TTC28: variants seen among roughly 807,000 people sequenced by gnomAD.
TTC28 encodes tetratricopeptide repeat protein 28.
Under a neutral mutation model 198.0 loss-of-function variants are expected in TTC28, and 61 were observed. That is an observed-to-expected ratio of 0.31 (90% CI 0.25 to 0.38). TTC28 has a LOEUF of 0.38. TTC28 is among the 10% of genes least tolerant of loss of function. TTC28 has a pLI of 1.00. For synonymous variants in TTC28, 1,171 were observed against 1,297.8 expected (o/e 0.90, Z 2.10); for missense variants, 2,678 against 3,164.0 (o/e 0.85, Z 3.69).
intron 2 of TTC28, among the ~76,000 whole-genome samples, chr22:28,381,749 TA>T (rs1181064943): frequency 6.6e-6 from 1 of 152,156 alleles, no homozygotes; most frequent in East Asian, 1.9e-4. Flanking sequence ...CACAGTTTGG[TA>T]ACCAGATGTT....
chr22:28,094,030 ATACC>A, intron 12 of TTC28, 46 bp downstream of exon 12: 1 of 1,471,224 alleles, frequency 6.8e-7, no homozygotes, highest in Non-Finnish European at 9.0e-7. Context: ...ACAAAAAATA[ATACC>A]CTGAGATTTA....
At chr22:28,494,890 G>T (rs1330956168) in intron 2 of TTC28, among the ~76,000 whole-genome samples, 1 of 151,788 alleles carries the variant, frequency 6.6e-6, no homozygotes, top group East Asian at 1.9e-4. Flanking sequence ...AGAGGGATGA[G>T]AAAATATTGC....
At chr22:28,578,687 T>C (rs1850508338) in intron 2 of TTC28, among the ~76,000 whole-genome samples, 1 of 152,146 alleles carries the variant, frequency 6.6e-6, no homozygotes, top group Admixed American at 6.6e-5. Flanking sequence ...TACACCACCC[T>C]TCCCTTATCC....
At chr22:28,035,618 C>A (rs546846537) in intron 12 of TTC28, among the ~76,000 whole-genome samples, 1 of 152,246 alleles carries the variant, frequency 6.6e-6, no homozygotes, top group East Asian at 1.9e-4. Context: ...GCCGGTCTGC[C>A]AATACCTGAA....
intron 2 of TTC28, among the ~76,000 whole-genome samples, chr22:28,400,475 G>T (rs1410305654): frequency 1.3e-5 from 2 of 152,190 alleles, no homozygotes; most frequent in Admixed American, 1.3e-4. Flanking sequence ...TGAGAAAGAA[G>T]ATGGGGTATT....
intron 1 of TTC28, among the ~76,000 whole-genome samples, chr22:28,640,595 CAG>C (rs2051349618): frequency 9.5e-6 from 1 of 105,076 alleles, no homozygotes; most frequent in Non-Finnish European, 2.2e-5. Flanking sequence ...TAATAATAAA[CAG>C]AGAAAATGTT....
chr22:28,199,056 T>A (rs967702366), intron 5 of TTC28, among the ~76,000 whole-genome samples: 7 of 152,102 alleles, frequency 4.6e-5, no homozygotes, highest in African/African-American at 1.4e-4. Flanking sequence ...TACAACTGTA[T>A]GTGCAATGCA....
chr22:27,999,326 C>A (rs78439401), intron 15 of TTC28, 66 bp from the exon 16 acceptor site: 3 of 1,481,446 alleles, frequency 2.0e-6, no homozygotes, highest in South Asian at 2.8e-5. Context: ...CGGCAGTGGT[C>A]GGCCGAGCAC....
chr22:28,117,858 CA>C (rs1335032875), intron 6 of TTC28, among the ~76,000 whole-genome samples: 1 of 152,028 alleles, frequency 6.6e-6, no homozygotes, highest in African/African-American at 2.4e-5. Flanking sequence ...TGAATAAAAT[CA>C]GTATAGTAGT....
At chr22:28,015,724 C>CTGTG (rs1938343740) in intron 13 of TTC28, among the ~76,000 whole-genome samples, 1 of 152,040 alleles carries the variant, frequency 6.6e-6, no homozygotes. Context: ...CCACACCCCA[C>CTGTG]CATCAGTGAT....
At chr22:28,013,464 A>G (rs1038897591) in intron 14 of TTC28, among the ~76,000 whole-genome samples, 1 of 152,234 alleles carries the variant, frequency 6.6e-6, no homozygotes. Flanking sequence ...GCAGGTGAAT[A>G]CACACCACAG....
chr22:28,503,010 G>C (rs1568983884), intron 2 of TTC28, among the ~76,000 whole-genome samples: 1 of 152,000 alleles, frequency 6.6e-6, no homozygotes, highest in Non-Finnish European at 1.5e-5. Flanking sequence ...ATGGAAGGCA[G>C]GCACTAAACA....
chr22:28,170,097 G>A (rs939718678), intron 5 of TTC28, among the ~76,000 whole-genome samples: 14 of 152,084 alleles, frequency 9.2e-5, no homozygotes, highest in Admixed American at 2.6e-4. Context: ...TATAACATAT[G>A]TCATTTTAAG....
chr22:28,019,386 G>C (rs147537668), intron 13 of TTC28, among the ~76,000 whole-genome samples: 1 of 152,270 alleles, frequency 6.6e-6, no homozygotes, highest in Non-Finnish European at 1.5e-5. Context: ...CCTCTGTGTG[G>C]GCATCAGGCA....
intron 2 of TTC28, among the ~76,000 whole-genome samples, chr22:28,547,772 CATAAA>C (rs1156618935): frequency 2.0e-5 from 3 of 148,580 alleles, no homozygotes; most frequent in African/African-American, 5.0e-5. Context: ...AGAAAAGTAG[CATAAA>C]ATAACTCTAC....
chr22:28,303,175 G>A (rs1279944969), intron 3 of TTC28, among the ~76,000 whole-genome samples: 2 of 152,076 alleles, frequency 1.3e-5, no homozygotes, highest in Non-Finnish European at 2.9e-5. Context: ...AACAAATAAA[G>A]GTAAACTCAA....
intron 5 of TTC28, among the ~76,000 whole-genome samples, chr22:28,260,548 A>G (rs1262194543): frequency 1.3e-5 from 2 of 152,176 alleles, no homozygotes; most frequent in African/African-American, 4.8e-5. Flanking sequence ...AAAGACAAAA[A>G]ATAGAACTCA....
intron 1 of TTC28, among the ~76,000 whole-genome samples, chr22:28,634,427 T>C (rs973953366): frequency 2.0e-5 from 3 of 151,294 alleles, no homozygotes; most frequent in Non-Finnish European, 4.4e-5. Context: ...GGAGAATTGC[T>C]TGAACCTGGG....
intron 2 of TTC28, among the ~76,000 whole-genome samples, chr22:28,592,887 T>C (rs1569046328): frequency 6.6e-6 from 1 of 152,196 alleles, no homozygotes; most frequent in Non-Finnish European, 1.5e-5. Context: ...AAAAATATTA[T>C]TGACCATCAT....
Sources: gnomAD v4.1 joint callset for allele counts (sites outside exome capture counted in the v4.1 genomes callset) on GRCh38, gnomAD v4.1.1 for gene constraint, MANE v1.5 for transcripts, NCBI Gene and HGNC (gene_info 2026-07-23, HGNC 2026-07-21) for gene names.